CACNA1A: variants seen among roughly 807,000 people sequenced by gnomAD.
CACNA1A encodes the protein voltage-dependent P/Q-type calcium channel subunit alpha-1A.
CACNA1A carries 57 observed loss-of-function variants against 262.4 expected under a neutral mutation model. The observed-to-expected ratio is 0.22, with a 90% CI of 0.18 to 0.27. The LOEUF (loss-of-function observed/expected upper bound fraction) is 0.27. Ranked by LOEUF, CACNA1A falls within the 10% of genes least tolerant of loss-of-function variation. The pLI, the probability that CACNA1A is intolerant of heterozygous loss-of-function variation, is 1.00. For missense variants in CACNA1A, 2,526 were observed against 3,562.8 expected, an observed-to-expected ratio of 0.71 and a Z score of 7.41; for synonymous variants, 1,431 against 1,419.3, an observed-to-expected ratio of 1.01 and a Z score of -0.18.
chr19:13,294,385 T>G (rs960546056), intron 19 of CACNA1A, among the ~76,000 whole-genome samples: 7 of 151,940 alleles, frequency 4.6e-5, no homozygotes, highest in African/African-American at 1.7e-4. Flanking sequence ...TGGCCTCCCA[T>G]TCTCTAAATG....
At chr19:13,281,534 C>T (rs1017957544) in intron 22 of CACNA1A, among the ~76,000 whole-genome samples, 1 of 152,096 alleles carries the variant, frequency 6.6e-6, no homozygotes, top group Admixed American at 6.6e-5. Context: ...AGAGTGGGGG[C>T]TGTCCTGGGC....
At chr19:13,481,190 G>A (rs1476459029) in intron 1 of CACNA1A, among the ~76,000 whole-genome samples, 1 of 152,216 alleles carries the variant, frequency 6.6e-6, no homozygotes, top group African/African-American at 2.4e-5. Flanking sequence ...TACAGATGAG[G>A]AAACTGAGGC....
chr19:13,273,943 T>G (rs1200474778), intron 24 of CACNA1A: 3 of 149,310 alleles, frequency 2.0e-5, no homozygotes, highest in South Asian at 4.2e-4. Flanking sequence ...AGATGGGGTC[T>G]CCCTATGTTA....
chr19:13,290,339 A>G (rs190853178), intron 19 of CACNA1A, among the ~76,000 whole-genome samples: 3 of 152,150 alleles, frequency 2.0e-5, no homozygotes, highest in East Asian at 3.9e-4. Flanking sequence ...GAAGTTGTGT[A>G]TCATGAAAAC....
chr19:13,365,164 G>A, intron 5 of CACNA1A, 153 bp downstream of exon 5: 2 of 593,488 alleles, frequency 3.4e-6, no homozygotes, highest in Non-Finnish European at 5.9e-6. Flanking sequence ...AGATCTCAGA[G>A]GCTATTTCAC....
At chr19:13,335,781 G>A (rs2058554849) in intron 7 of CACNA1A, 25 bp downstream of exon 7, 2 of 1,424,448 alleles carry the variant, frequency 1.4e-6, no homozygotes, top group Non-Finnish European at 2.0e-6. Context: ...TGAGTGGGAT[G>A]GGGTGGGGAG....
chr19:13,379,161 T>A (rs74826863), intron 3 of CACNA1A, among the ~76,000 whole-genome samples: 2,330 of 152,060 alleles, frequency 0.015, 41 homozygotes, highest in South Asian at 0.086. Context: ...TAAAAAGAAT[T>A]TTTTTGTAGA....
rs1226915547 is a variant in CACNA1A at position 13,486,092 on chromosome 19, T to C, written c.293+19840A>G. On this transcript the variant is annotated intron_variant, in intron 1 of 46. Coordinates refer to ENST00000360228, the MANE Select transcript of CACNA1A (RefSeq NM_001127222.2). ...AACTCCTCTCACATGATTTTATTCA[T>C]ATAAAACTCAAAACCACATAATATC... 4.6e-5 allele frequency among the ~76,000 whole-genome samples: 7 copies of C among 152,246 alleles called. No individual in the cohort carries two copies. The South Asian group carries it at 1.0e-3, about 23-fold the overall frequency.
Position 13,334,549 on chromosome 19 carries a change from TTGTGTGTGTGTTTGTGTG to T in CACNA1A, c.1083-74_1083-57del, listed in dbSNP as rs1264275653. The T allele has an allele frequency of 1.1e-4, 82 of 724,770 alleles. 1 individual carries two copies. The East Asian group carries it at 1.2e-3, about 11-fold the overall frequency. The allele number at this position is 724,770 out of a possible 1,614,324, so 44.9% of individuals were successfully genotyped here. ...CTGTTTTGAAAATGTTAGGAAACGT[TTGTGTGTGTGTTTGTGTG>T]TGTGTGTGTGTGTGTGTGTGTGTGT... On this transcript the variant is annotated intron_variant, in intron 7 of 46. Transcript: ENST00000360228.
At chr19:13,434,204 T>C (rs2060570819) in intron 3 of CACNA1A, among the ~76,000 whole-genome samples, 1 of 152,192 alleles carries the variant, frequency 6.6e-6, no homozygotes, top group African/African-American at 2.4e-5. Context: ...TCACCCAGGG[T>C]GCAGTGCAGT....
chr19:13,257,618 G>T (rs1168509514), intron 27 of CACNA1A, 67 bp from the exon 28 acceptor site: 2 of 986,318 alleles, frequency 2.0e-6, no homozygotes, highest in African/African-American at 3.3e-5. Context: ...AAGGGGTGAT[G>T]AGGAAGGTGG....
rs770147708 is a variant in CACNA1A, at chr19:13,308,875, G to A, written c.1669-347C>T. 13 of 166,866 alleles carry A rather than the reference G, an allele frequency of 7.8e-5. No individual in the cohort carries two copies. The highest frequency in any genetic ancestry group is 6.3e-4 in the Admixed American group (10 of 16,000). 10.3% of individuals were successfully genotyped at this position (166,866 alleles called of 1,614,324 possible). ...AACATTTTTATAGAGATAGTGTCTCGCTAGTATTGCCCAGGCTGGCCTCAA... is the reference window on the plus strand; with the variant it reads ...AACATTTTTATAGAGATAGTGTCTCACTAGTATTGCCCAGGCTGGCCTCAA... On this transcript the variant is annotated intron_variant, in intron 12 of 46. Transcript: ENST00000360228. This position sits in a 1 kb window ranked among gnomAD's most constrained non-coding sequence, Gnocchi z 4.2.
chr19:13,490,256 A>C (rs1286308500), intron 1 of CACNA1A, among the ~76,000 whole-genome samples: 1 of 152,228 alleles, frequency 6.6e-6, no homozygotes, highest in Admixed American at 6.5e-5. Context: ...CTTATAGATG[A>C]CGAAACAGAG....
At chr19:13,287,082 T>A in intron 19 of CACNA1A, 116 bp from the exon 20 acceptor site, 1 of 856,276 alleles carries the variant, frequency 1.2e-6, no homozygotes, top group Non-Finnish European at 1.8e-6. Flanking sequence ...CTGGGCGCAG[T>A]GGCTCACGCC....
At position 13,290,181 on chromosome 19, in the gene CACNA1A, T is replaced by C. The variant is rs1017561772; in HGVS notation, c.3090-3215A>G. On this transcript the variant is annotated intron_variant, in intron 19 of 46. Transcript: ENST00000360228. ...AAACTCCTGGCTTCAAGAGATCCATTGGCCTTGGCCTCCCAAAGTGTTAGG... is the reference window on the plus strand; with the variant it reads ...AAACTCCTGGCTTCAAGAGATCCATCGGCCTTGGCCTCCCAAAGTGTTAGG... 8.6e-4 allele frequency among the ~76,000 whole-genome samples: 131 copies of C among 151,898 alleles called. 2 individuals carry two copies. The highest frequency in any genetic ancestry group is 3.0e-3 in the African/African-American group (125 of 41,460).
Position 13,262,840 on chromosome 19 carries a change from AGGAATGTTTAGGTGG to A in CACNA1A, c.3990-22_3990-8del, listed in dbSNP as rs760643480. 3.8e-6 allele frequency: 6 copies of A among 1,587,872 alleles called. No homozygotes were observed. The highest frequency in any genetic ancestry group is 5.2e-6 in the Non-Finnish European group (6 of 1,158,150). Reference sequence around the variant, plus strand: ...TTTTCCTTTGCTATTGCCACTGTGGAGGAATGTTTAGGTGGGAAGAAGGGAAGAGAGGAAGCAGAG... The same window carrying A: ...TTTTCCTTTGCTATTGCCACTGTGGAGAAGAAGGGAAGAGAGGAAGCAGAG... On this transcript the variant is annotated splice_region_variant and splice_polypyrimidine_tract_variant and intron_variant, in intron 24 of 46. Transcript: ENST00000360228.
At chr19:13,343,476 C>T (rs1014803137) in intron 6 of CACNA1A, among the ~76,000 whole-genome samples, 4 of 151,910 alleles carry the variant, frequency 2.6e-5, no homozygotes, top group African/African-American at 9.7e-5. Context: ...TTATGGATCC[C>T]ATGAGGCAGG....
chr19:13,307,439 G>A, intron 15 of CACNA1A: 1 of 204,618 alleles, frequency 4.9e-6, no homozygotes, highest in Non-Finnish European at 9.8e-6. Context: ...TCACCATGTT[G>A]GCCAGGCTGG....
intron 24 of CACNA1A, chr19:13,271,222 T>TTGG (rs1568481389): frequency 1.4e-5 from 2 of 139,156 alleles, no homozygotes; most frequent in African/African-American, 5.5e-5. Context: ...CTGTTTTTTT[T>TTGG]TTTTTTTTTT....
Sources: gnomAD v4.1 joint callset for allele counts (sites outside exome capture counted in the v4.1 genomes callset) on GRCh38, gnomAD v4.1.1 for gene constraint, Gnocchi (gnomAD v3.1) non-coding constraint, MANE v1.5 for transcripts, NCBI Gene and HGNC (gene_info 2026-07-23, HGNC 2026-07-21) for gene names.